NSUN3: variants seen among roughly 807,000 people sequenced by gnomAD.
The protein encoded by NSUN3 is tRNA (cytosine(34)-C(5))-methyltransferase, mitochondrial.
NSUN3 carries 24 observed loss-of-function variants against 36.8 expected under a neutral mutation model. The ratio of observed to expected loss-of-function variants is 0.65; its 90% confidence interval spans 0.47 to 0.92. The LOEUF (loss-of-function observed/expected upper bound fraction) is 0.92, where lower values mean the gene tolerates loss of function less well. NSUN3 is among the 40% of genes least tolerant of loss of function. The pLI is 0.00. For synonymous variants in NSUN3, 146 were observed against 145.2 expected, an observed-to-expected ratio of 1.01 and a Z score of -0.04; for missense variants, 381 against 392.8, an observed-to-expected ratio of 0.97 and a Z score of 0.25.
intron 2 of NSUN3, among the ~76,000 whole-genome samples, chr3:94,079,901 A>T (rs750940489): frequency 2.0e-5 from 3 of 151,966 alleles, no homozygotes; most frequent in Non-Finnish European, 4.4e-5. Flanking sequence ...AGAGTTTGTT[A>T]TAACCCACCT....
chr3:94,077,261 G>A (rs1184234121), intron 2 of NSUN3: 3 of 583,856 alleles, frequency 5.1e-6, no homozygotes, highest in Non-Finnish European at 9.3e-6. Flanking sequence ...TGCATATGTT[G>A]AACCAGTCTT....
chr3:94,123,067 C>G (rs1412061883), intron 5 of NSUN3, among the ~76,000 whole-genome samples: 1 of 152,080 alleles, frequency 6.6e-6, no homozygotes, highest in African/African-American at 2.4e-5. Flanking sequence ...GTTGATCTCT[C>G]CCTTTCCCTC....
intron 5 of NSUN3, among the ~76,000 whole-genome samples, chr3:94,105,369 T>C (rs564619382): frequency 6.8e-4 from 104 of 152,326 alleles, no homozygotes; most frequent in Non-Finnish European, 1.1e-3. Flanking sequence ...TTTGGCCTCA[T>C]TCTGCCACTC....
chr3:94,126,368 G>C lies in NSUN3; in HGVS notation c.901G>C (p.Asp301His). The C allele has an allele frequency of 6.2e-7, 1 of 1,614,126 alleles. No individual in the cohort carries two copies. Among genetic ancestry groups the C allele is most frequent in the Middle Eastern group, 1.6e-4 (1 of 6,062 alleles). Residue 301 changes from aspartate (D) to histidine (H), a missense_variant, in exon 6 of 6, where the codon GAC (aspartate) becomes CAC (histidine). Transcript: ENST00000314622. ...AGGAATAGCAAGGACTTGCTCCCAC[G>C]ACTTCACATTTGCTCCCACTGGCCA... Reference protein sequence around the residue: ...IKGIARTCSHDFTFAPTGQEC... With the variant: ...IKGIARTCSHHFTFAPTGQEC...
intron 2 of NSUN3, among the ~76,000 whole-genome samples, chr3:94,078,459 G>T (rs1161521902): frequency 2.6e-5 from 4 of 152,136 alleles, no homozygotes; most frequent in African/African-American, 9.7e-5. Context: ...AGGTCTGCTT[G>T]GTCCAGAGCT....
At chr3:94,115,674 A>G (rs2077437154) in intron 5 of NSUN3, among the ~76,000 whole-genome samples, 1 of 152,188 alleles carries the variant, frequency 6.6e-6, no homozygotes, top group South Asian at 2.1e-4. Flanking sequence ...AAAAGATGGC[A>G]CTGTTGCTGT....
intron 2 of NSUN3, among the ~76,000 whole-genome samples, chr3:94,078,061 T>C (rs2077254043): frequency 6.6e-6 from 1 of 152,226 alleles, no homozygotes; most frequent in African/African-American, 2.4e-5. Context: ...TTTCCTGCTT[T>C]CTCTTGTGAG....
At chr3:94,122,147 C>G (rs147946360) in intron 5 of NSUN3, among the ~76,000 whole-genome samples, 1 of 144,864 alleles carries the variant, frequency 6.9e-6, no homozygotes, top group Non-Finnish European at 1.5e-5. Context: ...CTCATCCCCC[C>G]ACCTAAAAAA....
chr3:94,090,562 A>C (rs147987630), intron 3 of NSUN3, among the ~76,000 whole-genome samples: 1 of 152,210 alleles, frequency 6.6e-6, no homozygotes, highest in African/African-American at 2.4e-5. Context: ...TGGTATGTGT[A>C]TAGAGGTAAG....
In NSUN3 at chr3:94,128,577, GTGTGTGTA is replaced by G. The variant is rs1204715759; in HGVS notation, c.*2089_*2096del. 6.8e-6 allele frequency: 1 copy of G among 147,516 alleles called. No homozygotes were observed. The highest frequency in any genetic ancestry group is 6.7e-5 in the Admixed American group (1 of 14,824). 9.1% of individuals were successfully genotyped at this position (147,516 alleles called of 1,614,324 possible). A position where few individuals can be genotyped will look rare whatever the true frequency, so the allele number is the denominator to read the frequency against. On this transcript the variant is annotated 3_prime_UTR_variant, in exon 6 of 6. Transcript: ENST00000314622. Reference sequence around the variant, plus strand: ...CACGTGTGTGTGTGTGTGTGTGTGTGTGTGTGTATATATATATATATATATAATTTTAT... The same window carrying G: ...CACGTGTGTGTGTGTGTGTGTGTGTGTATATATATATATATATAATTTTAT...
chr3:94,111,762 G>A (rs6771653), intron 5 of NSUN3, among the ~76,000 whole-genome samples: 120,589 of 151,886 alleles, frequency 0.79, 48,021 homozygotes, highest in Non-Finnish European at 0.82. Context: ...TATGATAACA[G>A]TACCTTCTTC....
At position 94,127,941 on chromosome 3, in the gene NSUN3, C is replaced by T. The variant is rs2077494081; in HGVS notation, c.*1451C>T. The T allele has an allele frequency of 6.6e-6, 1 of 152,036 alleles. No homozygotes were observed. Among genetic ancestry groups the T allele is most frequent in the Non-Finnish European group, 1.5e-5 (1 of 68,020 alleles). 9.4% of individuals were successfully genotyped at this position (152,036 alleles called of 1,614,324 possible). ...GATATGTTTAAAGTAAAGCTAAAGT[C>T]CAGGCACGGTGGCTTATGCCTGTAA... On this transcript the variant is annotated 3_prime_UTR_variant, in exon 6 of 6. Coordinates refer to ENST00000314622, the MANE Select transcript of NSUN3 (RefSeq NM_022072.5).
intron 5 of NSUN3, among the ~76,000 whole-genome samples, chr3:94,097,623 A>C (rs2077348447): frequency 6.6e-6 from 1 of 152,184 alleles, no homozygotes; most frequent in Admixed American, 6.5e-5. Context: ...AAATACTTTA[A>C]TAGCTGTGTT....
intron 2 of NSUN3, among the ~76,000 whole-genome samples, chr3:94,065,019 C>T (rs2077198017): frequency 6.6e-6 from 1 of 151,682 alleles, no homozygotes; most frequent in South Asian, 2.1e-4. Context: ...CGTGCATATA[C>T]ACACAAAATT....
rs1491231480 is a variant in NSUN3, at chr3:94,128,583, G to GTGTATA, written c.*2094_*2095insGTATAT. ...TGTGTGTGTGTGTGTGTGTGTGTGTGTATATATATATATATATATAATTTT... is the reference window on the plus strand; with the variant it reads ...TGTGTGTGTGTGTGTGTGTGTGTGTGTGTATATATATATATATATATATATAATTTT... On this transcript the variant is annotated 3_prime_UTR_variant, in exon 6 of 6. Transcript: ENST00000314622. 2.4e-3 allele frequency: 206 copies of GTGTATA among 85,136 alleles called. No individual in the cohort carries two copies. The highest frequency in any genetic ancestry group is 4.4e-3 in the Non-Finnish European group (160 of 35,970). The allele number at this position is 85,136 out of a possible 1,614,324, so 5.3% of individuals were successfully genotyped here.
chr3:94,117,033 C>G (rs766815272), intron 5 of NSUN3, among the ~76,000 whole-genome samples: 6 of 112,618 alleles, frequency 5.3e-5, no homozygotes, highest in Admixed American at 4.0e-4. Context: ...GAATCTCGCT[C>G]TATCATCTAT....
intron 5 of NSUN3, among the ~76,000 whole-genome samples, chr3:94,117,062 G>A (rs1169164720): frequency 8.0e-6 from 1 of 125,526 alleles, no homozygotes; most frequent in East Asian, 2.6e-4. Context: ...GCAGTGGTAT[G>A]ATCTCGGCTC....
At chr3:94,074,288 T>C (rs2077237800) in intron 2 of NSUN3, among the ~76,000 whole-genome samples, 1 of 152,224 alleles carries the variant, frequency 6.6e-6, no homozygotes, top group Admixed American at 6.5e-5. Context: ...ATGTGGGTTC[T>C]TTTTTGATTC....
rs528636894 is a variant in NSUN3, at chr3:94,080,823, T to C, written c.123-3284T>C. ...GCTGGCAGTGAGAATTTCAAGCCAG[T>C]GGATCTTAGTTTGCTGGGCTCCATG... is the stretch of plus-strand genomic sequence containing the variant. On this transcript the variant is annotated intron_variant, in intron 2 of 5. Transcript: ENST00000314622. 3.3e-5 allele frequency among the ~76,000 whole-genome samples: 5 copies of C among 152,332 alleles called. No homozygotes were observed. In the South Asian group the frequency reaches 1.0e-3, roughly 32 times the overall value.
Sources: allele counts gnomAD v4.1 joint callset (sites outside exome capture counted in the v4.1 genomes callset), GRCh38; gene constraint gnomAD v4.1.1; transcripts MANE v1.5; gene names NCBI Gene and HGNC (gene_info 2026-07-23, HGNC 2026-07-21).